ACACA: variants seen among roughly 807,000 people sequenced by gnomAD.
ACACA encodes the protein acetyl-CoA carboxylase 1.
In ACACA, 103 loss-of-function variants were observed where a neutral mutation model predicts 296.1. The observed-to-expected ratio is 0.35, with a 90% confidence interval of 0.30 to 0.41. The LOEUF is 0.41. Ranked by LOEUF, ACACA falls within the 10% of genes least tolerant of loss-of-function variation. The probability of loss-of-function intolerance (pLI) is 1.00; values close to 1 mark genes in which losing one functional copy is unlikely to be tolerated. For missense variants in ACACA, 1,554 were observed against 2,989.7 expected, an observed-to-expected ratio of 0.52 and a Z score of 11.20; for synonymous variants, 953 against 1,038.6, an observed-to-expected ratio of 0.92 and a Z score of 1.58.
rs138077544 is a variant in ACACA, at chr17:37,310,755, T to C, written c.338+19418A>G. ...GTTGCAGAGAGCCAAGATTGCAACA[T>C]TGCACTCTACCCTGGGCAACAGAGC... On this transcript the variant is annotated intron_variant, in intron 3 of 55. Transcript: ENST00000616317. Among the ~76,000 whole-genome samples the C allele has an allele frequency of 5.4e-3, 776 of 143,306 alleles. 5 individuals are homozygous for C. The highest frequency in any genetic ancestry group is 0.019 in the African/African-American group (727 of 38,102). 94.0% of individuals were successfully genotyped at this position (143,306 alleles called of 152,430 possible).
chr17:37,276,542 C>G (rs2082291548), intron 7 of ACACA, among the ~76,000 whole-genome samples: 1 of 152,170 alleles, frequency 6.6e-6, no homozygotes, highest in Admixed American at 6.5e-5. Flanking sequence ...ATACTTTGAG[C>G]TATATAACCT....
chr17:37,307,116 A>G (rs2083921080), intron 3 of ACACA, among the ~76,000 whole-genome samples: 1 of 152,256 alleles, frequency 6.6e-6, no homozygotes, highest in African/African-American at 2.4e-5. Flanking sequence ...GTATTCCATC[A>G]TATGATATAC....
At chr17:37,312,741 A>C (rs1567980273) in intron 3 of ACACA, among the ~76,000 whole-genome samples, 1 of 152,188 alleles carries the variant, frequency 6.6e-6, no homozygotes, top group East Asian at 1.9e-4. Context: ...GAAATAATAA[A>C]GGCAGCTGGG....
intron 45 of ACACA, 57 bp from the exon 46 acceptor site, chr17:37,130,275 G>C: frequency 2.5e-6 from 4 of 1,600,428 alleles, no homozygotes; most frequent in Non-Finnish European, 3.4e-6. Context: ...AGGCATGGTC[G>C]ATTTCACAAG....
intron 1 of ACACA, among the ~76,000 whole-genome samples, chr17:37,394,661 G>A (rs1439804002): frequency 6.6e-6 from 1 of 150,724 alleles, no homozygotes; most frequent in Non-Finnish European, 1.5e-5. Context: ...CGGATCACGA[G>A]GTCAGGAGAT....
chr17:37,177,095 C>A (rs116844954), intron 41 of ACACA, among the ~76,000 whole-genome samples: 1 of 152,072 alleles, frequency 6.6e-6, no homozygotes, highest in South Asian at 2.1e-4. Context: ...ATACTATTCA[C>A]TTTCTGGTTT....
At chr17:37,406,155 G>GTT in intron 1 of ACACA, 107 bp downstream of exon 1, 1 of 1,277,762 alleles carries the variant, frequency 7.8e-7, no homozygotes, top group East Asian at 2.3e-5. Context: ...AAATGAGACC[G>GTT]TATGTGTAAC....
intron 13 of ACACA, 110 bp downstream of exon 13, chr17:37,258,102 T>C: frequency 7.3e-7 from 1 of 1,362,506 alleles, no homozygotes; most frequent in South Asian, 1.3e-5. Flanking sequence ...AACCTCTATG[T>C]TTCCCACTCC....
chr17:37,200,334 C>T (rs1411792727), intron 34 of ACACA, 93 bp downstream of exon 34: 1 of 1,406,150 alleles, frequency 7.1e-7, no homozygotes, highest in East Asian at 2.3e-5. Flanking sequence ...CTGCATAAAT[C>T]CTATTAGTAA....
At chr17:37,183,399 C>T (rs560330815) in intron 39 of ACACA, among the ~76,000 whole-genome samples, 1 of 151,732 alleles carries the variant, frequency 6.6e-6, no homozygotes, top group African/African-American at 2.4e-5. Flanking sequence ...TACGTATTTA[C>T]CCAAAGGAAA....
At chr17:37,116,285 G>A (rs2074250022) in intron 50 of ACACA, among the ~76,000 whole-genome samples, 1 of 152,206 alleles carries the variant, frequency 6.6e-6, no homozygotes, top group Non-Finnish European at 1.5e-5. Context: ...TCTGTGCCCA[G>A]CCTCTACTAC....
chr17:37,291,595 C>T (rs368256695), intron 3 of ACACA, among the ~76,000 whole-genome samples: 88 of 152,190 alleles, frequency 5.8e-4, no homozygotes, highest in African/African-American at 2.0e-3. Context: ...GTGATTTGGA[C>T]GAGCTTACTT....
In ACACA at chr17:37,379,280, C is replaced by T. The variant is rs369910079; in HGVS notation, c.38+26982G>A. ...AAAGGTCAAGCATATTTTGAAGAAC[C>T]TGAGAATCATTGCTGCTCCCCGCAG... is the stretch of plus-strand genomic sequence containing the variant. On this transcript the variant is annotated intron_variant, in intron 1 of 55. Transcript: ENST00000616317. 9 of 1,613,978 alleles carry T rather than the reference C, an allele frequency of 5.6e-6. No individual in the cohort carries two copies. The African/African-American group carries it at 1.2e-4, about 22-fold the overall frequency.
At chr17:37,176,803 C>T (rs2077132583) in intron 41 of ACACA, among the ~76,000 whole-genome samples, 1 of 152,118 alleles carries the variant, frequency 6.6e-6, no homozygotes, top group Non-Finnish European at 1.5e-5. Context: ...GATACTAACA[C>T]CCCAACCTCA....
chr17:37,202,692 TATATATATATATATATATATACACAC>T lies in ACACA; in HGVS notation c.4057-2235_4057-2210del, dbSNP rs2078311421. Among the ~76,000 whole-genome samples the T allele has an allele frequency of 2.9e-4, 5 of 17,086 alleles. 1 individual carries two copies. The highest frequency in any genetic ancestry group is 1.2e-3 in the African/African-American group (4 of 3,374). 11.2% of individuals were successfully genotyped at this position (17,086 alleles called of 152,430 possible). A position where few individuals can be genotyped will look rare whatever the true frequency, so the allele number is the denominator to read the frequency against. ...TCATATATATATATATATATATATA[TATATATATATATATATATATACACAC>T]ACACATATATTTTAACAAGGAGATG... On this transcript the variant is annotated intron_variant, in intron 33 of 55. Coordinates refer to ENST00000616317, the MANE Select transcript of ACACA (RefSeq NM_198834.3).
chr17:37,104,892 T>G (rs929800475), intron 52 of ACACA, among the ~76,000 whole-genome samples: 1 of 134,816 alleles, frequency 7.4e-6, no homozygotes, highest in Non-Finnish European at 1.5e-5. Context: ...TGAGCTGTGA[T>G]CATGACACTG....
intron 3 of ACACA, among the ~76,000 whole-genome samples, chr17:37,300,122 G>A (rs949768846): frequency 2.0e-5 from 3 of 152,068 alleles, no homozygotes; most frequent in African/African-American, 7.2e-5. Flanking sequence ...GGTACAAAAC[G>A]GATACAGAAA....
chr17:37,122,077 CA>C (rs1316468819), intron 49 of ACACA, among the ~76,000 whole-genome samples: 2 of 152,084 alleles, frequency 1.3e-5, no homozygotes, highest in African/African-American at 4.8e-5. Flanking sequence ...GTCAAGGCTG[CA>C]GTGAGTCAAA....
intron 1 of ACACA, among the ~76,000 whole-genome samples, chr17:37,381,441 C>G (rs1373048723): frequency 1.3e-5 from 2 of 151,924 alleles, no homozygotes; most frequent in Non-Finnish European, 2.9e-5. Context: ...CCACCTCAGC[C>G]TCCCAAAGTG....
Sources: allele counts gnomAD v4.1 joint callset (sites outside exome capture counted in the v4.1 genomes callset), GRCh38; gene constraint gnomAD v4.1.1; transcripts MANE v1.5; gene names NCBI Gene and HGNC (gene_info 2026-07-23, HGNC 2026-07-21).